Variants in ADGRB3 observed in about 807,000 individuals in gnomAD.
ADGRB3 encodes the protein adhesion G protein-coupled receptor B3.
In ADGRB3, 37 loss-of-function variants were observed where a neutral mutation model predicts 193.4. The observed-to-expected ratio is 0.19, with a 90% CI of 0.15 to 0.25. The LOEUF is 0.25. Ranked by LOEUF, ADGRB3 falls within the 10% of genes least tolerant of loss-of-function variation. The probability of loss-of-function intolerance (pLI) is 1.00; values close to 1 mark genes in which losing one functional copy is unlikely to be tolerated. For missense variants in ADGRB3, 1,637 were observed against 1,852.9 expected, an observed-to-expected ratio of 0.88 and a Z score of 2.14; for synonymous variants, 690 against 644.2, an observed-to-expected ratio of 1.07 and a Z score of -1.08.
intron 3 of ADGRB3, among the ~76,000 whole-genome samples, chr6:68,785,411 G>GT (rs538913409): frequency 0.013 from 1,886 of 149,108 alleles, 17 homozygotes; most frequent in South Asian, 0.014. Context: ...GCGGTGTTTG[G>GT]TTTTTTGTCC....
intron 20 of ADGRB3, among the ~76,000 whole-genome samples, chr6:69,318,305 T>C (rs1223685309): frequency 1.3e-5 from 2 of 151,472 alleles, no homozygotes; most frequent in African/African-American, 2.4e-5. Context: ...GGTTCTGAAT[T>C]ATATCAAATG....
At chr6:68,672,788 A>G (rs2585594) in intron 3 of ADGRB3, among the ~76,000 whole-genome samples, 46,630 of 151,984 alleles carry the variant, frequency 0.31, 7,419 homozygotes, top group Middle Eastern at 0.35. Context: ...TTAAGTTAGT[A>G]GACTTTCATT....
intron 23 of ADGRB3, 157 bp from the exon 24 acceptor site, chr6:69,332,766 C>T (rs781494861): frequency 1.0e-5 from 10 of 985,254 alleles, no homozygotes; most frequent in African/African-American, 3.5e-5. Flanking sequence ...TAAATTGTTC[C>T]GTATGCCTCT....
chr6:68,646,215 G>A (rs981130301), intron 3 of ADGRB3, among the ~76,000 whole-genome samples: 3 of 152,072 alleles, frequency 2.0e-5, no homozygotes, highest in Admixed American at 1.3e-4. Context: ...AGTGGTTCAT[G>A]CCTGTAATCC....
intron 5 of ADGRB3, 28 bp from the exon 6 acceptor site, chr6:68,943,802 T>A: frequency 1.9e-6 from 3 of 1,548,586 alleles, no homozygotes; most frequent in East Asian, 2.3e-5. Context: ...TCTGCTTTTG[T>A]TGTTGAAGCT....
In ADGRB3 at chr6:69,332,975, G is replaced by T; in HGVS notation, c.3155G>T (p.Gly1052Val). The change falls in exon 24 of 32, where the codon GGA becomes GTA. Residue 1052 changes from glycine to valine, a missense_variant. Around this residue, in one of 7 missense-constraint regions of ADGRB3, gnomAD observed 56 missense variants for 53.3 expected, o/e 1.05. Coordinates refer to ENST00000370598, the MANE Select transcript of ADGRB3 (RefSeq NM_001704.3). Reference protein sequence around the residue: ...LVFNKLVSRDGILDKKLKHRA... With the variant: ...LVFNKLVSRDVILDKKLKHRA... ...TTTAATAAACTTGTTTCCAGAGATG[G>T]AATCCTAGATAAAAAGCTCAAACAC... 1 of 1,613,764 alleles carries T rather than the reference G, an allele frequency of 6.2e-7. No individual in the cohort carries two copies. Among genetic ancestry groups the T allele is most frequent in the Non-Finnish European group, 8.5e-7 (1 of 1,179,844 alleles).
chr6:68,771,335 C>A (rs575132606), intron 3 of ADGRB3, among the ~76,000 whole-genome samples: 1 of 151,442 alleles, frequency 6.6e-6, no homozygotes, highest in Non-Finnish European at 1.5e-5. Context: ...CACCATTTAT[C>A]AAACATCTAT....
At chr6:68,822,176 T>C (rs921492356) in intron 3 of ADGRB3, among the ~76,000 whole-genome samples, 2 of 151,664 alleles carry the variant, frequency 1.3e-5, no homozygotes, top group Non-Finnish European at 3.0e-5. Flanking sequence ...ATTCGGAAAA[T>C]AAAGAGAAGA....
intron 3 of ADGRB3, among the ~76,000 whole-genome samples, chr6:68,726,543 A>T (rs569773344): frequency 2.6e-5 from 4 of 151,594 alleles, no homozygotes; most frequent in Non-Finnish European, 5.9e-5. Context: ...ACTCCTAGGA[A>T]TTGGGACTGC....
chr6:69,181,011 C>T (rs1187440863), intron 17 of ADGRB3, among the ~76,000 whole-genome samples: 2 of 152,136 alleles, frequency 1.3e-5, no homozygotes, highest in Non-Finnish European at 2.9e-5. Context: ...GAAAAGAAAA[C>T]GTACTCCCTC....
At chr6:68,832,169 A>C (rs1204789340) in intron 3 of ADGRB3, among the ~76,000 whole-genome samples, 1 of 152,166 alleles carries the variant, frequency 6.6e-6, no homozygotes, top group Non-Finnish European at 1.5e-5. Context: ...TAAAACTCTT[A>C]AGATTGTTGA....
intron 20 of ADGRB3, among the ~76,000 whole-genome samples, chr6:69,257,258 G>A (rs935302104): frequency 5.9e-5 from 9 of 152,122 alleles, no homozygotes; most frequent in African/African-American, 1.9e-4. Flanking sequence ...CTATTGATTG[G>A]AATAGTTTCA....
intron 20 of ADGRB3, among the ~76,000 whole-genome samples, chr6:69,280,240 A>G (rs1398683661): frequency 6.6e-6 from 1 of 152,228 alleles, no homozygotes; most frequent in Non-Finnish European, 1.5e-5. Flanking sequence ...GCCACAAGGC[A>G]CTCGGGACTT....
chr6:68,808,745 GA>G (rs1021383275), intron 3 of ADGRB3, among the ~76,000 whole-genome samples: 3 of 151,812 alleles, frequency 2.0e-5, no homozygotes, highest in African/African-American at 7.3e-5. Flanking sequence ...AAAGGAGGAG[GA>G]AAAAAGGGGG....
At chr6:68,753,056 A>G (rs903900193) in intron 3 of ADGRB3, among the ~76,000 whole-genome samples, 9 of 152,196 alleles carry the variant, frequency 5.9e-5, no homozygotes, top group African/African-American at 1.4e-4. Context: ...GCCTGAATAT[A>G]GGACACCACA....
intron 17 of ADGRB3, among the ~76,000 whole-genome samples, chr6:69,227,209 A>C (rs1018905412): frequency 6.6e-6 from 1 of 152,200 alleles, no homozygotes; most frequent in South Asian, 2.1e-4. Context: ...ACAAAATGCC[A>C]AGAAAGGCCA....
chr6:68,866,689 C>A (rs1186385123), intron 3 of ADGRB3, among the ~76,000 whole-genome samples: 1 of 152,122 alleles, frequency 6.6e-6, no homozygotes, highest in Admixed American at 6.5e-5. Flanking sequence ...ATGGTATGGA[C>A]AATGAAGTCC....
intron 3 of ADGRB3, among the ~76,000 whole-genome samples, chr6:68,690,414 A>T (rs1765053089): frequency 1.3e-5 from 2 of 152,112 alleles, no homozygotes; most frequent in Non-Finnish European, 2.9e-5. Flanking sequence ...ACAGTAGGAG[A>T]AATGCCCTTT....
intron 3 of ADGRB3, among the ~76,000 whole-genome samples, chr6:68,924,156 A>G (rs967542257): frequency 2.6e-5 from 4 of 152,110 alleles, no homozygotes; most frequent in Non-Finnish European, 5.9e-5. Context: ...CTGATTTATA[A>G]GAATTCAGTA....
Sources: allele counts gnomAD v4.1 joint callset (sites outside exome capture counted in the v4.1 genomes callset), GRCh38; gene constraint gnomAD v4.1.1; regional missense constraint gnomAD v4.1.1; transcripts MANE v1.5; gene names NCBI Gene and HGNC (gene_info 2026-07-23, HGNC 2026-07-21).